The following LY96 variants were observed in gnomAD, a reference collection of about 807,000 sequenced individuals.
The protein encoded by LY96 is myeloid differentiation protein-2.
A neutral mutation model predicts 18.9 loss-of-function variants in LY96; 18 were observed. The observed-to-expected ratio is 0.95, with a 90% CI of 0.66 to 1.41. The LOEUF is 1.41. LY96 is among the 40% of genes most tolerant of loss of function. LY96 has a pLI of 0.00. For synonymous variants in LY96, 66 were observed against 62.6 expected, an observed-to-expected ratio of 1.06 and a Z score of -0.26; for missense variants, 175 against 182.4, an observed-to-expected ratio of 0.96 and a Z score of 0.23.
At chr8:74,041,307 C>A in the LY96 span, among the ~76,000 whole-genome samples, 1 of 152,278 alleles carries the variant, frequency 6.6e-6, no homozygotes, top group South Asian at 2.1e-4. Context: ...TGTACATCAC[C>A]TCAGGACAAC....
chr8:74,062,793 C>T, the LY96 span, among the ~76,000 whole-genome samples: 1 of 152,154 alleles, frequency 6.6e-6, no homozygotes, highest in Non-Finnish European at 1.5e-5. Flanking sequence ...AGTCGCATGA[C>T]TAGTCACTGG....
downstream of LY96, among the ~76,000 whole-genome samples, chr8:74,032,997 A>G (rs1816995224): frequency 6.6e-6 from 1 of 152,170 alleles, no homozygotes; most frequent in Non-Finnish European, 1.5e-5. Flanking sequence ...ATGATGACCC[A>G]AATATTCTCC....
intron 1 of LY96, among the ~76,000 whole-genome samples, chr8:74,002,946 T>C (rs773449559): frequency 1.3e-5 from 2 of 152,228 alleles, no homozygotes; most frequent in Non-Finnish European, 2.9e-5. Context: ...ACTGCATTCA[T>C]GTATTGTTCT....
At chr8:74,018,587 C>T in intron 3 of LY96, among the ~76,000 whole-genome samples, 1 of 152,218 alleles carries the variant, frequency 6.6e-6, no homozygotes, top group African/African-American at 2.4e-5. Flanking sequence ...TAGACATCTA[C>T]AGAACTCTCC....
intron 1 of LY96, among the ~76,000 whole-genome samples, chr8:74,000,567 C>G (rs1563709838): frequency 6.6e-6 from 1 of 152,122 alleles, no homozygotes; most frequent in African/African-American, 2.4e-5. Context: ...CTGTTCATGG[C>G]AATATGGACT....
At chr8:74,025,643 A>G (rs1312590750) in intron 3 of LY96, among the ~76,000 whole-genome samples, 8 of 141,520 alleles carry the variant, frequency 5.7e-5, no homozygotes, top group Non-Finnish European at 1.2e-4. Flanking sequence ...CGACAGAGCG[A>G]AACTCCGTCT....
rs1403349057 is a variant in LY96, at chr8:73,994,107, C to T, written c.112+2553C>T. On this transcript the variant is annotated intron_variant, in intron 1 of 4. Transcript: ENST00000284818. ...TCAAGCGATTCTTTTGCCTCAGCCT[C>T]CTAAATAGCTGAGATTACAGATATG... Among the ~76,000 whole-genome samples the T allele has an allele frequency of 2.6e-5, 4 of 152,092 alleles. No individual in the cohort carries two copies. In the East Asian group the frequency reaches 7.7e-4, roughly 29 times the overall value.
At chr8:74,010,384 T>G (rs983656351) in intron 3 of LY96, among the ~76,000 whole-genome samples, 7 of 152,180 alleles carry the variant, frequency 4.6e-5, no homozygotes, top group African/African-American at 7.2e-5. Context: ...CTTGGTTTCT[T>G]TAGTGACTTC....
intron 1 of LY96, among the ~76,000 whole-genome samples, chr8:73,998,571 G>A (rs904991170): frequency 5.9e-5 from 9 of 152,130 alleles, no homozygotes; most frequent in Admixed American, 5.9e-4. Flanking sequence ...TAGTACTAGC[G>A]ACTCAGGAGA....
At chr8:74,002,011 C>T (rs1453651584) in intron 1 of LY96, among the ~76,000 whole-genome samples, 1 of 5,632 alleles carries the variant, frequency 1.8e-4, no homozygotes, top group Non-Finnish European at 3.0e-4. Context: ...TCCTTTCTTC[C>T]TTCCTTCCTT....
At chr8:74,006,266 C>T (rs1204259914) in intron 2 of LY96, among the ~76,000 whole-genome samples, 4 of 152,082 alleles carry the variant, frequency 2.6e-5, no homozygotes, top group East Asian at 1.9e-4. Flanking sequence ...ATGATCTCGT[C>T]GGCTCACTGC....
chr8:74,019,220 A>G (rs1377778959), intron 3 of LY96, among the ~76,000 whole-genome samples: 2 of 152,214 alleles, frequency 1.3e-5, no homozygotes, highest in East Asian at 3.8e-4. Context: ...AGACGCAATA[A>G]AAAATGATAA....
the LY96 span, among the ~76,000 whole-genome samples, chr8:74,074,091 A>G: frequency 3.0e-4 from 45 of 151,740 alleles, no homozygotes; most frequent in Non-Finnish European, 5.3e-4. Context: ...TCTGCTTCCC[A>G]GGTTCAAGTG....
chr8:74,004,763 G>A (rs1401107180), intron 1 of LY96, 33 bp from the exon 2 acceptor site: 1 of 1,506,758 alleles, frequency 6.6e-7, no homozygotes, highest in South Asian at 1.1e-5. Context: ...ATGATTTGTA[G>A]TAATTTATTG....
chr8:74,091,850 C>T, the LY96 span, among the ~76,000 whole-genome samples: 2 of 152,164 alleles, frequency 1.3e-5, no homozygotes, highest in East Asian at 1.9e-4. Flanking sequence ...CTTGCCCTTC[C>T]TCCCTCAAGC....
the LY96 span, among the ~76,000 whole-genome samples, chr8:74,059,216 A>G: frequency 2.7e-4 from 41 of 152,356 alleles, 1 homozygote; most frequent in South Asian, 7.9e-3. Flanking sequence ...ATTAACTATC[A>G]CAAAGGACAC....
the LY96 span, among the ~76,000 whole-genome samples, chr8:74,061,775 A>G: frequency 6.6e-6 from 1 of 152,246 alleles, no homozygotes; most frequent in Admixed American, 6.5e-5. Flanking sequence ...ATTGCTCTCC[A>G]AAATGGTTGC....
intron 1 of LY96, among the ~76,000 whole-genome samples, chr8:74,001,419 G>C (rs1816266269): frequency 6.6e-6 from 1 of 151,870 alleles, no homozygotes; most frequent in Non-Finnish European, 1.5e-5. Flanking sequence ...TGCGGAGATG[G>C]GGTTTTGCTA....
the LY96 span, among the ~76,000 whole-genome samples, chr8:74,093,943 G>A: frequency 6.6e-6 from 1 of 152,126 alleles, no homozygotes; most frequent in South Asian, 2.1e-4. Context: ...TATAGGCATG[G>A]AGAAGAGGCA....
Sources: allele counts gnomAD v4.1 joint callset (sites outside exome capture counted in the v4.1 genomes callset), GRCh38; gene constraint gnomAD v4.1.1; transcripts MANE v1.5; gene names NCBI Gene and HGNC (gene_info 2026-07-23, HGNC 2026-07-21).